Variants in KLF12 observed in about 807,000 individuals in gnomAD.
The protein encoded by KLF12 is Krueppel-like factor 12.
In KLF12, 9 loss-of-function variants were observed where a neutral mutation model predicts 37.8. That is an observed-to-expected ratio of 0.24 (90% confidence interval 0.14 to 0.42). The LOEUF (loss-of-function observed/expected upper bound fraction) is 0.42. KLF12 is among the 10% of genes least tolerant of loss of function. KLF12 has a pLI of 1.00. For missense variants in KLF12, 411 were observed against 516.0 expected (o/e 0.80, Z 1.97); for synonymous variants, 208 against 202.1 (o/e 1.03, Z -0.25).
chr13:74,214,380 T>C, the KLF12 span, among the ~76,000 whole-genome samples: 1 of 152,188 alleles, frequency 6.6e-6, no homozygotes, highest in South Asian at 2.1e-4. Context: ...CTGGCTTCCT[T>C]ATTTTGAAGA....
chr13:74,074,965 TATTCA>T (rs1874483871), intron 1 of KLF12, among the ~76,000 whole-genome samples: 1 of 150,262 alleles, frequency 6.7e-6, no homozygotes. Flanking sequence ...GCTGTGATTC[TATTCA>T]ATTCAACAAA....
At chr13:73,966,829 A>C (rs926944602) in intron 2 of KLF12, among the ~76,000 whole-genome samples, 1 of 152,170 alleles carries the variant, frequency 6.6e-6, no homozygotes, top group Non-Finnish European at 1.5e-5. Context: ...ATATTCCAAA[A>C]CATGCAGCTG....
chr13:74,245,986 G>T, the KLF12 span, among the ~76,000 whole-genome samples: 5 of 152,274 alleles, frequency 3.3e-5, no homozygotes, highest in South Asian at 1.0e-3. Flanking sequence ...GGTTATTGTT[G>T]GTAATCAAAA....
At chr13:73,735,813 G>A (rs1006457042) in intron 6 of KLF12, among the ~76,000 whole-genome samples, 5 of 152,098 alleles carry the variant, frequency 3.3e-5, no homozygotes, top group Non-Finnish European at 5.9e-5. Context: ...AGTTACCCAC[G>A]TCACATAAAA....
chr13:73,785,845 C>T (rs1272687515), intron 5 of KLF12, among the ~76,000 whole-genome samples: 1 of 152,114 alleles, frequency 6.6e-6, no homozygotes, highest in Non-Finnish European at 1.5e-5. Context: ...TCTGTTCCTG[C>T]CTATCCATTT....
chr13:74,014,809 C>G (rs925601158), intron 1 of KLF12, among the ~76,000 whole-genome samples: 1 of 152,054 alleles, frequency 6.6e-6, no homozygotes, highest in Non-Finnish European at 1.5e-5. Flanking sequence ...ACTTTGAAAA[C>G]CAAAGGCAAA....
chr13:73,884,271 A>G (rs770873542), intron 3 of KLF12, among the ~76,000 whole-genome samples: 28 of 152,174 alleles, frequency 1.8e-4, no homozygotes, highest in African/African-American at 5.6e-4. Context: ...GGACATATCA[A>G]TACCCTGTTG....
upstream of KLF12, among the ~76,000 whole-genome samples, chr13:74,135,995 C>T (rs982104629): frequency 6.6e-6 from 1 of 152,164 alleles, no homozygotes; most frequent in Non-Finnish European, 1.5e-5. Flanking sequence ...CTTGCCACTC[C>T]TAGGTTCTGG....
chr13:74,042,897 C>A (rs1461125260), intron 1 of KLF12, among the ~76,000 whole-genome samples: 4 of 152,114 alleles, frequency 2.6e-5, no homozygotes, highest in Non-Finnish European at 4.4e-5. Context: ...TCTAGTACCT[C>A]AATATCCCAG....
chr13:73,948,631 G>A (rs1452055341), intron 2 of KLF12, among the ~76,000 whole-genome samples: 1 of 152,068 alleles, frequency 6.6e-6, no homozygotes, highest in Non-Finnish European at 1.5e-5. Context: ...GGCAATTAGG[G>A]GTTTGCATAA....
At chr13:73,729,987 T>C (rs1426486698) in intron 6 of KLF12, among the ~76,000 whole-genome samples, 1 of 152,142 alleles carries the variant, frequency 6.6e-6, no homozygotes, top group African/African-American at 2.4e-5. Context: ...CTCCAGGATG[T>C]ATGTACATTT....
At chr13:73,859,018 G>A (rs1476382244) in intron 3 of KLF12, among the ~76,000 whole-genome samples, 7 of 152,138 alleles carry the variant, frequency 4.6e-5, no homozygotes, top group Admixed American at 1.3e-4. Context: ...GATGGTGTAC[G>A]GGACAAACAT....
At chr13:74,004,904 T>C (rs1467184560) in intron 1 of KLF12, among the ~76,000 whole-genome samples, 2 of 151,674 alleles carry the variant, frequency 1.3e-5, no homozygotes, top group Non-Finnish European at 2.9e-5. Flanking sequence ...CTTTCTCCTT[T>C]CCTCACCAAT....
chr13:74,050,649 T>A lies in KLF12; in HGVS notation c.-31-55596A>T, dbSNP rs189125384. On this transcript the variant is annotated intron_variant, in intron 1 of 7. Transcript: ENST00000377669. ...ACTGAAAACACAGAAAAAATTACTG[T>A]TATTGGTCTGGTCAATGATTTCTTC... Among the ~76,000 whole-genome samples the A allele has an allele frequency of 3.6e-3, 547 of 152,276 alleles. 7 individuals are homozygous for A. Among genetic ancestry groups the A allele is most frequent in the Non-Finnish European group, 4.7e-3 (323 of 68,014 alleles).
Position 74,102,889 on chromosome 13 carries a change from A to G in KLF12, c.-32+30850T>C, listed in dbSNP as rs186673052. On this transcript the variant is annotated intron_variant, in intron 1 of 7. Transcript: ENST00000377669. ...CATGAGTTCACCACCATAAGAGCAA[A>G]GAGACAGCTTTAGGACAGTTGTTGA... Among the ~76,000 whole-genome samples, 613 of 152,338 alleles carry G rather than the reference A, an allele frequency of 4.0e-3. 3 individuals are homozygous for G. Among genetic ancestry groups the G allele is most frequent in the Middle Eastern group, 6.8e-3 (2 of 292 alleles).
At chr13:74,079,259 G>T (rs1874744371) in intron 1 of KLF12, among the ~76,000 whole-genome samples, 1 of 152,136 alleles carries the variant, frequency 6.6e-6, no homozygotes, top group Non-Finnish European at 1.5e-5. Context: ...AATGGGTAAA[G>T]AGATTCCATT....
the KLF12 span, among the ~76,000 whole-genome samples, chr13:74,204,158 A>G: frequency 6.6e-6 from 1 of 152,210 alleles, no homozygotes; most frequent in Admixed American, 6.5e-5. Flanking sequence ...TTTATTTACT[A>G]TGTGTCTGAC....
intron 5 of KLF12, among the ~76,000 whole-genome samples, chr13:73,767,662 T>G (rs1305962258): frequency 6.6e-6 from 1 of 152,224 alleles, no homozygotes; most frequent in African/African-American, 2.4e-5. Context: ...TTATATACAC[T>G]TACTCATCTG....
At chr13:74,228,578 T>A in the KLF12 span, among the ~76,000 whole-genome samples, 1 of 152,084 alleles carries the variant, frequency 6.6e-6, no homozygotes, top group Non-Finnish European at 1.5e-5. Flanking sequence ...GTAGCAGAGC[T>A]TAAATGAGAA....
Sources: gnomAD v4.1 joint callset for allele counts (sites outside exome capture counted in the v4.1 genomes callset) on GRCh38, gnomAD v4.1.1 for gene constraint, MANE v1.5 for transcripts, NCBI Gene and HGNC (gene_info 2026-07-23, HGNC 2026-07-21) for gene names.